Variants in TSPAN14 observed in about 807,000 individuals in gnomAD.
The protein encoded by TSPAN14 is tetraspanin-14.
A neutral mutation model predicts 36.6 loss-of-function variants in TSPAN14; 16 were observed. That is an observed-to-expected ratio of 0.44 (90% CI 0.30 to 0.66). The LOEUF (loss-of-function observed/expected upper bound fraction) is 0.66, where lower values mean the gene tolerates loss of function less well. Among genes scored for constraint, TSPAN14 ranks in the 30% least tolerant of loss-of-function variants. The pLI is 0.12. For synonymous variants in TSPAN14, 139 were observed against 143.8 expected, an observed-to-expected ratio of 0.97 and a Z score of 0.24; for missense variants, 231 against 355.1, an observed-to-expected ratio of 0.65 and a Z score of 2.81.
exon 7 of TSPAN14, chr10:80,514,029 T>G (rs755292347): frequency 3.7e-6 from 6 of 1,613,866 alleles, no homozygotes; most frequent in Non-Finnish European, 8.5e-7. Flanking sequence ...CAAAAAGTTG[T>G]GAACACACAG....
chr10:80,512,207 G>C, exon 6 of TSPAN14: 1 of 1,614,184 alleles, frequency 6.2e-7, no homozygotes, highest in Non-Finnish European at 8.5e-7. Flanking sequence ...CAATTGCAGC[G>C]GTGCCAGCTA....
At chr10:80,488,249 C>T (rs1279555318) in intron 1 of TSPAN14, among the ~76,000 whole-genome samples, 1 of 152,174 alleles carries the variant, frequency 6.6e-6, no homozygotes, top group Non-Finnish European at 1.5e-5. Flanking sequence ...GCATTGGGGG[C>T]AGGGGACCGT....
At chr10:80,503,143 G>C (rs918436096) in intron 2 of TSPAN14, among the ~76,000 whole-genome samples, 1 of 152,072 alleles carries the variant, frequency 6.6e-6, no homozygotes, top group Non-Finnish European at 1.5e-5. Context: ...TGCAGGATTC[G>C]GCAGGTGGTG....
intron 1 of TSPAN14, among the ~76,000 whole-genome samples, chr10:80,459,797 G>A (rs1845889652): frequency 6.6e-6 from 1 of 152,190 alleles, no homozygotes; most frequent in African/African-American, 2.4e-5. Flanking sequence ...GTACCCCGAG[G>A]TCTGAGTGGT....
At chr10:80,492,968 A>G (rs1263862690) in intron 2 of TSPAN14, among the ~76,000 whole-genome samples, 1 of 152,184 alleles carries the variant, frequency 6.6e-6, no homozygotes, top group Admixed American at 6.5e-5. Context: ...TGTGGATGCC[A>G]CTGATGTTTG....
In TSPAN14 at chr10:80,509,295, C is replaced by G. The variant is rs754254705; in HGVS notation, c.280-6C>G. 2 of 1,613,002 alleles carry G rather than the reference C, an allele frequency of 1.2e-6. No homozygotes were observed. Among genetic ancestry groups the G allele is most frequent in the Non-Finnish European group, 1.7e-6 (2 of 1,179,610 alleles). On this transcript the variant is annotated splice_region_variant and splice_polypyrimidine_tract_variant and intron_variant, in intron 4 of 8. Transcript: ENST00000429989. The surrounding 1 kb of genome is among the most constrained non-coding windows in gnomAD (Gnocchi z 4.7). ...TGACTTCTGCTCCCGTCCCCTTCCC[C>G]TGCAGTTCTGTGGCACCATCGTGCT...
At chr10:80,497,061 T>C (rs972084124) in intron 2 of TSPAN14, among the ~76,000 whole-genome samples, 1 of 152,238 alleles carries the variant, frequency 6.6e-6, no homozygotes, top group South Asian at 2.1e-4. Context: ...ATTAAGTCTT[T>C]TGTGTCTGAC....
intron 2 of TSPAN14, among the ~76,000 whole-genome samples, chr10:80,490,629 T>C (rs1847875776): frequency 6.6e-6 from 1 of 152,140 alleles, no homozygotes; most frequent in South Asian, 2.1e-4. Flanking sequence ...GTAGGGGATC[T>C]GGGCGGGTGG....
At chr10:80,473,689 T>G (rs1208234394) in intron 1 of TSPAN14, among the ~76,000 whole-genome samples, 2 of 141,770 alleles carry the variant, frequency 1.4e-5, no homozygotes, top group African/African-American at 5.0e-5. Context: ...TGATGGGTTT[T>G]TTTTTTTTTT....
intron 2 of TSPAN14, among the ~76,000 whole-genome samples, chr10:80,496,437 T>C (rs1237218085): frequency 6.6e-6 from 1 of 152,234 alleles, no homozygotes; most frequent in Non-Finnish European, 1.5e-5. Flanking sequence ...CCTTTTATTC[T>C]GGATTATAGC....
chr10:80,514,093 A>T, intron 7 of TSPAN14, 30 bp downstream of exon 7: 3 of 1,598,108 alleles, frequency 1.9e-6, no homozygotes, highest in Non-Finnish European at 2.6e-6. Context: ...CAACTTGAAG[A>T]GTTCTTTAGG....
intron 1 of TSPAN14, among the ~76,000 whole-genome samples, chr10:80,479,670 G>C (rs966916180): frequency 2.0e-5 from 3 of 152,202 alleles, no homozygotes; most frequent in African/African-American, 7.2e-5. Flanking sequence ...TTTGGTGCCA[G>C]TACCATGCTG....
intron 1 of TSPAN14, among the ~76,000 whole-genome samples, chr10:80,461,221 C>T (rs1189311808): frequency 2.0e-5 from 3 of 152,232 alleles, no homozygotes; most frequent in Admixed American, 2.0e-4. Context: ...TTTGGCCTGC[C>T]TCCTTTTCTT....
intron 2 of TSPAN14, among the ~76,000 whole-genome samples, chr10:80,495,042 A>G (rs530428282): frequency 6.6e-6 from 1 of 152,342 alleles, no homozygotes; most frequent in East Asian, 1.9e-4. Context: ...AATATAGAAC[A>G]TTCCAGGTTG....
intron 1 of TSPAN14, among the ~76,000 whole-genome samples, chr10:80,483,015 G>A (rs1476738556): frequency 1.3e-5 from 2 of 152,050 alleles, no homozygotes; most frequent in Non-Finnish European, 2.9e-5. Flanking sequence ...GATTATAGGC[G>A]TGAGCCACTT....
At chr10:80,521,164 G>A (rs1285152851) in exon 9 of TSPAN14, 1 of 255,866 alleles carries the variant, frequency 3.9e-6, no homozygotes, top group East Asian at 1.1e-4. Context: ...TGGCTGCAGT[G>A]TTGGAAGGCT....
intron 1 of TSPAN14, among the ~76,000 whole-genome samples, 172 bp downstream of exon 1, chr10:80,454,543 TTGTC>T (rs1564703676): frequency 6.6e-6 from 1 of 151,668 alleles, no homozygotes; most frequent in Non-Finnish European, 1.5e-5. Flanking sequence ...GGCGCTGGCT[TTGTC>T]TGCCAGGATT....
intron 1 of TSPAN14, among the ~76,000 whole-genome samples, chr10:80,455,977 C>T (rs1464690526): frequency 6.6e-6 from 1 of 152,176 alleles, no homozygotes; most frequent in East Asian, 1.9e-4. Context: ...TGCACCCCAA[C>T]TTCAGTTGGA....
intron 2 of TSPAN14, among the ~76,000 whole-genome samples, chr10:80,498,800 A>T (rs192702527): frequency 1.3e-5 from 2 of 152,270 alleles, no homozygotes; most frequent in African/African-American, 4.8e-5. Context: ...CCTTCCTGTG[A>T]CCTAGGAAAG....
Sources: gnomAD v4.1 joint callset for allele counts (sites outside exome capture counted in the v4.1 genomes callset) on GRCh38, gnomAD v4.1.1 for gene constraint, Gnocchi (gnomAD v3.1) non-coding constraint, MANE v1.5 for transcripts, NCBI Gene and HGNC (gene_info 2026-07-23, HGNC 2026-07-21) for gene names.